Variants in ZNF302 observed in about 807,000 individuals in gnomAD.
ZNF302 encodes the protein zinc finger protein 327.
In ZNF302, 12 loss-of-function variants were observed where a neutral mutation model predicts 10.8. The ratio of observed to expected loss-of-function variants is 1.11; its 90% CI spans 0.71 to 1.79. The LOEUF (loss-of-function observed/expected upper bound fraction) is 1.79, where lower values mean the gene tolerates loss of function less well. ZNF302 is among the 40% of genes most tolerant of loss of function. The pLI is 0.00. For synonymous variants in ZNF302, 178 were observed against 157.5 expected, an observed-to-expected ratio of 1.13 and a Z score of -0.98; for missense variants, 461 against 471.1, an observed-to-expected ratio of 0.98 and a Z score of 0.20.
At chr19:34,676,049 C>G (rs1423356827), upstream of ZNF302, 1 of 152,198 alleles carries the variant, frequency 6.6e-6, no homozygotes, top group Non-Finnish European at 1.5e-5. Flanking sequence ...GCTGGTTGTT[C>G]GGGTGGCCCG....
chr19:34,683,297 T>C (rs1294770057), intron 4 of ZNF302, 59 bp downstream of exon 4: 2 of 1,602,674 alleles, frequency 1.2e-6, no homozygotes, highest in Non-Finnish European at 1.7e-6. Context: ...TAAAGATGTT[T>C]ATAGTGAGTG....
rs1004617880 is a variant in ZNF302, at chr19:34,683,250, C to G, written c.214+12C>G. On this transcript the variant is annotated intron_variant, in intron 4 of 4. Transcript: ENST00000505242. ...AAAACTGTCAAAAGGTATGATTCCA[C>G]ATGAGTCATGGTGAACGAGACAAAG... 4 of 1,613,664 alleles carry G rather than the reference C, an allele frequency of 2.5e-6. No individual in the cohort carries two copies. Among genetic ancestry groups the G allele is most frequent in the Admixed American group, 1.7e-5 (1 of 59,996 alleles).
rs2068653093 is a variant in ZNF302, at chr19:34,686,372, A to G, written c.*1135A>G. 1 of 152,154 alleles carries G rather than the reference A, an allele frequency of 6.6e-6. No homozygotes were observed. Among genetic ancestry groups the G allele is most frequent in the Non-Finnish European group, 1.5e-5 (1 of 68,010 alleles). 9.4% of individuals were successfully genotyped at this position (152,154 alleles called of 1,614,324 possible). A position where few individuals can be genotyped will look rare whatever the true frequency, so the allele number is the denominator to read the frequency against. ...GGTGTTAATAAAAATTTGGCATCTA[A>G]TAAAATCATTTTGTATATCATGAAC... is the stretch of plus-strand genomic sequence containing the variant. On this transcript the variant is annotated 3_prime_UTR_variant, in exon 5 of 5. Transcript: ENST00000505242.
chr19:34,682,979 T>C, intron 3 of ZNF302, 82 bp downstream of exon 3: 5 of 1,590,228 alleles, frequency 3.1e-6, no homozygotes, highest in Non-Finnish European at 4.3e-6. Flanking sequence ...CCTAAGTAAA[T>C]GGCTGAATTT....
rs1600118195 is a variant in ZNF302, at chr19:34,686,293, A to G, written c.*1056A>G. Reference sequence around the variant, plus strand: ...CATGTGAAGATATTTAGTCACCCAGAGGAGCCAGTAAATGTTATAATGTTA... The same window carrying G: ...CATGTGAAGATATTTAGTCACCCAGGGGAGCCAGTAAATGTTATAATGTTA... On this transcript the variant is annotated 3_prime_UTR_variant, in exon 5 of 5. Coordinates refer to ENST00000505242, the MANE Select transcript of ZNF302 (RefSeq NM_001289187.2). 1 of 152,226 alleles carries G rather than the reference A, an allele frequency of 6.6e-6. No individual in the cohort carries two copies. The allele number at this position is 152,226 out of a possible 1,614,324, so 9.4% of individuals were successfully genotyped here.
chr19:34,679,102 G>A (rs918402120), intron 2 of ZNF302, among the ~76,000 whole-genome samples: 6 of 152,180 alleles, frequency 3.9e-5, no homozygotes, highest in African/African-American at 1.4e-4. Flanking sequence ...TCGGTTTATG[G>A]TTGTCAAAAC....
Position 34,684,647 on chromosome 19 carries a change from A to G in ZNF302, c.610A>G (p.Ser204Gly), listed in dbSNP as rs756536794. 6.2e-7 allele frequency: 1 copy of G among 1,614,072 alleles called. No homozygotes were observed. The highest frequency in any genetic ancestry group is 1.1e-5 in the South Asian group (1 of 91,078). Residue 204 changes from serine (S) to glycine (G), a missense_variant, in exon 5 of 5, where the codon AGT (serine) becomes GGT (glycine). Transcript: ENST00000505242. ...TAATAGAGAGAAAATCTATACATGC[A>G]GTGAATGTGGGAAAGCCTTTGGCAA... ...TCNREKIYTC[S>G]ECGKAFGKQS...
Position 34,684,393 on chromosome 19 carries a change from C to T in ZNF302, c.356C>T (p.Thr119Ile). The change falls in exon 5 of 5, where the codon ACA becomes ATA. Residue 119 changes from threonine (T) to isoleucine (I), a missense_variant. By Grantham distance (89) the Thr-to-Ile change is moderately conservative. Transcript: ENST00000505242. ...FSNSNKNLEY[T>I]ECDTFRSTFH... ...AATTCTAATAAGAATTTGGAATATA[C>T]AGAATGCGACACATTTAGAAGCACC... 7.5e-6 allele frequency: 12 copies of T among 1,609,778 alleles called. No individual in the cohort carries two copies. Among genetic ancestry groups the T allele is most frequent in the Admixed American group, 1.7e-5 (1 of 59,176 alleles).
In ZNF302 at chr19:34,677,898, T is replaced by A. The variant is rs903023266; in HGVS notation, c.-274T>A. 2.0e-5 allele frequency: 3 copies of A among 152,250 alleles called. No homozygotes were observed. The highest frequency in any genetic ancestry group is 7.2e-5 in the African/African-American group (3 of 41,456). The allele number at this position is 152,250 out of a possible 1,614,324, so 9.4% of individuals were successfully genotyped here. On this transcript the variant is annotated 5_prime_UTR_variant, in exon 1 of 5. Coordinates refer to ENST00000505242, the MANE Select transcript of ZNF302 (RefSeq NM_001289187.2). Reference sequence around the variant, plus strand: ...GCGACGGCGGGGCTAAGGCCCTGGGTCCGCGCGCGGTTTGACCACGGCCGG... The same window carrying A: ...GCGACGGCGGGGCTAAGGCCCTGGGACCGCGCGCGGTTTGACCACGGCCGG...
Position 34,684,819 on chromosome 19 carries a change from A to C in ZNF302, c.782A>C (p.Glu261Ala), listed in dbSNP as rs1431713985. 4 of 1,613,790 alleles carry C rather than the reference A, an allele frequency of 2.5e-6. No homozygotes were observed. The African/African-American group carries it at 5.3e-5, about 22-fold the overall frequency. Residue 261 changes from glutamate (E) to alanine (A), a missense_variant, in exon 5 of 5, where the codon GAA (glutamate) becomes GCA (alanine). By Grantham distance (107) the Glu-to-Ala change is moderately radical. Transcript: ENST00000505242. ...GGAGAGAAACCTTACAAATGCATTGAATGTGGGAAGGCCTTTAGCCATGGC... is the reference window on the plus strand; with the variant it reads ...GGAGAGAAACCTTACAAATGCATTGCATGTGGGAAGGCCTTTAGCCATGGC... ...HSGEKPYKCIECGKAFSHGSS... is the reference protein window; with the variant it reads ...HSGEKPYKCIACGKAFSHGSS...
upstream of ZNF302, chr19:34,676,141 T>G (rs943139157): frequency 3.3e-5 from 5 of 152,194 alleles, no homozygotes; most frequent in African/African-American, 1.2e-4. Flanking sequence ...TTTTACAGAG[T>G]GCTGTTTGGT....
Position 34,684,813 on chromosome 19 carries a change from G to A in ZNF302, c.776G>A (p.Cys259Tyr), listed in dbSNP as rs375335096. The change falls in exon 5 of 5, where the codon TGC becomes TAC. Residue 259 changes from cysteine to tyrosine, a missense_variant. Physicochemically the swap from Cys to Tyr is radical, Grantham distance 194. Coordinates refer to ENST00000505242, the MANE Select transcript of ZNF302 (RefSeq NM_001289187.2). ...CATAGTGGAGAGAAACCTTACAAAT[G>A]CATTGAATGTGGGAAGGCCTTTAGC... is the stretch of plus-strand genomic sequence containing the variant. ...ISHSGEKPYKCIECGKAFSHG... is the reference protein window; with the variant it reads ...ISHSGEKPYKYIECGKAFSHG... 2 of 1,613,858 alleles carry A rather than the reference G, an allele frequency of 1.2e-6. No individual in the cohort carries two copies. The highest frequency in any genetic ancestry group is 1.7e-6 in the Non-Finnish European group (2 of 1,179,784).
Position 34,685,154 on chromosome 19 carries a change from A to G in ZNF302, c.1117A>G (p.Lys373Glu), listed in dbSNP as rs1426209452. 14 of 1,610,192 alleles carry G rather than the reference A, an allele frequency of 8.7e-6. No homozygotes were observed. The highest frequency in any genetic ancestry group is 1.2e-5 in the Non-Finnish European group (14 of 1,178,650). ...HSMKKKYECN[K>E]CLKVFSSFSF... ...TATGAAGAAAAAATATGAATGCAAC[A>G]AATGTCTCAAGGTCTTTAGTAGCTT... is the stretch of plus-strand genomic sequence containing the variant. Residue 373 changes from lysine to glutamate, a missense_variant, in exon 5 of 5, where the codon AAA becomes GAA. Transcript: ENST00000505242.
chr19:34,682,292 T>C (rs1323655977), intron 2 of ZNF302: 2 of 156,552 alleles, frequency 1.3e-5, no homozygotes, highest in African/African-American at 4.8e-5. Context: ...TCAAACCATA[T>C]GTCTATCAGT....
chr19:34,685,745 A>G lies in ZNF302; in HGVS notation c.*508A>G. The G allele has an allele frequency of 1.7e-6, 1 of 579,580 alleles. No individual in the cohort carries two copies. Among genetic ancestry groups the G allele is most frequent in the Middle Eastern group, 4.8e-4 (1 of 2,094 alleles). The allele number at this position is 579,580 out of a possible 1,614,324, so 35.9% of individuals were successfully genotyped here. A position where few individuals can be genotyped will look rare whatever the true frequency, so the allele number is the denominator to read the frequency against. On this transcript the variant is annotated 3_prime_UTR_variant, in exon 5 of 5. Transcript: ENST00000505242. ...AAGGTGGTGAACATGGGAGACTTTT[A>G]GCAATGATGCAGATTTTTTTATTAG... is the stretch of plus-strand genomic sequence containing the variant.
chr19:34,685,800 T>C lies in ZNF302; in HGVS notation c.*563T>C. On this transcript the variant is annotated 3_prime_UTR_variant, in exon 5 of 5. Coordinates refer to ENST00000505242, the MANE Select transcript of ZNF302 (RefSeq NM_001289187.2). ...TATACTGTAGAGAAATCATATGAAG[T>C]CAATAAATGTGGGAAAGCCTTTGTC... 2.4e-6 allele frequency: 1 copy of C among 424,648 alleles called. No homozygotes were observed. The highest frequency in any genetic ancestry group is 4.2e-6 in the Non-Finnish European group (1 of 235,466). 26.3% of individuals were successfully genotyped at this position (424,648 alleles called of 1,614,324 possible). A position where few individuals can be genotyped will look rare whatever the true frequency, so the allele number is the denominator to read the frequency against.
chr19:34,679,834 T>C, intron 2 of ZNF302: 1 of 702,862 alleles, frequency 1.4e-6, no homozygotes, highest in Non-Finnish European at 2.6e-6. Context: ...ATAGCGTCAG[T>C]ACCCAGAGTG....
upstream of ZNF302, chr19:34,676,013 GGGAAGTAGAC>G (rs2067926361): frequency 6.6e-6 from 1 of 152,202 alleles, no homozygotes; most frequent in Admixed American, 6.5e-5. Context: ...TCCCACACCT[GGGAAGTAGAC>G]CCCAGCGCGG....
chr19:34,682,671 C>T (rs746605694), intron 2 of ZNF302, 106 bp from the exon 3 acceptor site: 324 of 1,538,834 alleles, frequency 2.1e-4, no homozygotes, highest in Non-Finnish European at 2.7e-4. Flanking sequence ...TGTCACAGCT[C>T]CTGAATCTTG....
Sources: allele counts gnomAD v4.1 joint callset (sites outside exome capture counted in the v4.1 genomes callset), GRCh38; gene constraint gnomAD v4.1.1; transcripts MANE v1.5; gene names NCBI Gene and HGNC (gene_info 2026-07-23, HGNC 2026-07-21).